The following COLEC12 variants were observed in gnomAD, a reference collection of about 807,000 sequenced individuals.
COLEC12 encodes the protein collectin-12.
In COLEC12, 33 loss-of-function variants were observed where a neutral mutation model predicts 71.1. That is an observed-to-expected ratio of 0.46 (90% CI 0.35 to 0.62). The LOEUF (loss-of-function observed/expected upper bound fraction) is 0.62. Among genes scored for constraint, COLEC12 ranks in the 20% least tolerant of loss-of-function variants. The probability of loss-of-function intolerance (pLI) is 0.00; values close to 1 mark genes in which losing one functional copy is unlikely to be tolerated. For synonymous variants in COLEC12, 350 were observed against 353.0 expected (o/e 0.99, Z 0.10); for missense variants, 765 against 916.1 (o/e 0.84, Z 2.13).
intron 2 of COLEC12, among the ~76,000 whole-genome samples, chr18:400,662 C>T (rs1194552254): frequency 6.6e-6 from 1 of 152,192 alleles, no homozygotes; most frequent in Non-Finnish European, 1.5e-5. Context: ...TGGAATCCTG[C>T]AACTCATACT....
At chr18:433,943 G>A (rs977198781) in intron 2 of COLEC12, among the ~76,000 whole-genome samples, 52 of 127,886 alleles carry the variant, frequency 4.1e-4, no homozygotes, top group Non-Finnish European at 6.2e-4. Context: ...CAGCCTGGGC[G>A]ACAAAGTGAG....
chr18:428,219 T>C (rs1041726270), intron 2 of COLEC12, among the ~76,000 whole-genome samples: 3 of 151,672 alleles, frequency 2.0e-5, no homozygotes, highest in Non-Finnish European at 4.4e-5. Flanking sequence ...GCTGAGATCC[T>C]GTCACTGCAC....
intron 2 of COLEC12, among the ~76,000 whole-genome samples, chr18:434,334 T>A (rs1192014736): frequency 6.6e-6 from 1 of 152,218 alleles, no homozygotes; most frequent in African/African-American, 2.4e-5. Flanking sequence ...AGATACACAA[T>A]GTTTAAAATT....
At chr18:467,316 G>T (rs1917107628) in intron 2 of COLEC12, among the ~76,000 whole-genome samples, 1 of 152,132 alleles carries the variant, frequency 6.6e-6, no homozygotes, top group Non-Finnish European at 1.5e-5. Context: ...CTTGGAGGAA[G>T]GAAAAAAGCC....
At chr18:479,209 G>A (rs535041193) in intron 2 of COLEC12, among the ~76,000 whole-genome samples, 5 of 151,842 alleles carry the variant, frequency 3.3e-5, no homozygotes, top group African/African-American at 1.2e-4. Context: ...CGTCCCCCCC[G>A]GGAAAGAACA....
intron 1 of COLEC12, among the ~76,000 whole-genome samples, chr18:489,655 G>A (rs1246515822): frequency 6.6e-6 from 1 of 152,104 alleles, no homozygotes; most frequent in Non-Finnish European, 1.5e-5. Context: ...TATTAACTTC[G>A]TGGGGGGGAA....
chr18:440,796 CA>C (rs1279670119), intron 2 of COLEC12, among the ~76,000 whole-genome samples: 1 of 152,114 alleles, frequency 6.6e-6, no homozygotes, highest in Non-Finnish European at 1.5e-5. Context: ...TGGATTCTTC[CA>C]ACATTTGAGT....
intron 2 of COLEC12, among the ~76,000 whole-genome samples, chr18:456,069 G>A (rs1296845715): frequency 1.3e-5 from 2 of 152,168 alleles, no homozygotes; most frequent in Non-Finnish European, 2.9e-5. Flanking sequence ...AGCACGTGGT[G>A]GGAGGCTGGC....
rs1175671480 is a variant in COLEC12, at chr18:399,238, G to A, written c.59-41716C>T. Among the ~76,000 whole-genome samples the A allele has an allele frequency of 6.6e-6, 1 of 152,238 alleles. No homozygotes were observed. Among genetic ancestry groups the A allele is most frequent in the Non-Finnish European group, 1.5e-5 (1 of 68,044 alleles). ...GATTTTTCTGCTACGTGGGTCTCAG[G>A]CTAAGCGTAAGATGCTATTGATGGA... On this transcript the variant is annotated intron_variant, in intron 2 of 9. Coordinates refer to ENST00000400256, the MANE Select transcript of COLEC12 (RefSeq NM_130386.3). The surrounding 1 kb of genome is among the most constrained non-coding windows in gnomAD (Gnocchi z 4.0).
At chr18:472,527 T>A (rs1917217734) in intron 2 of COLEC12, among the ~76,000 whole-genome samples, 1 of 151,186 alleles carries the variant, frequency 6.6e-6, no homozygotes, top group African/African-American at 2.4e-5. Flanking sequence ...AGAAAAAAAT[T>A]TTTTTAAAAA....
Position 500,564 on chromosome 18 carries a change from C to T in COLEC12, c.-50G>A. 1 of 1,216,560 alleles carries T rather than the reference C, an allele frequency of 8.2e-7. No individual in the cohort carries two copies. Among genetic ancestry groups the T allele is most frequent in the Non-Finnish European group, 1.0e-6 (1 of 978,362 alleles). The allele number at this position is 1,216,560 out of a possible 1,614,324, so 75.4% of individuals were successfully genotyped here. ...GCCGGGGAGCTCCGCGCGAGCGCCG[C>T]GCAGCCGAGGAAGTCGTCCCGAGCG... On this transcript the variant is annotated 5_prime_UTR_variant, in exon 1 of 10. Transcript: ENST00000400256. This position sits in a 1 kb window ranked among gnomAD's most constrained non-coding sequence, Gnocchi z 5.3.
intron 2 of COLEC12, among the ~76,000 whole-genome samples, chr18:401,262 G>A (rs539154223): frequency 1.3e-5 from 2 of 152,304 alleles, no homozygotes; most frequent in South Asian, 4.1e-4. Context: ...TATAAAATCA[G>A]TTATTCATGA....
intron 8 of COLEC12, among the ~76,000 whole-genome samples, chr18:322,826 C>T (rs193248362): frequency 4.2e-4 from 64 of 152,220 alleles, no homozygotes; most frequent in African/African-American, 1.5e-3. Flanking sequence ...ATAACACCCG[C>T]AAAACCAGAG....
At position 346,570 on chromosome 18, in the gene COLEC12, C is replaced by T; in HGVS notation, c.1052G>A (p.Ser351Asn). 1 of 1,614,254 alleles carries T rather than the reference C, an allele frequency of 6.2e-7. No homozygotes were observed. The highest frequency in any genetic ancestry group is 1.1e-5 in the South Asian group (1 of 91,084). Residue 351 changes from serine (S) to asparagine (N), a missense_variant, in exon 5 of 10, where the codon AGT becomes AAT. Physicochemically the swap from Ser to Asn is conservative, Grantham distance 46. Transcript: ENST00000400256. This position sits in a 1 kb window ranked among gnomAD's most constrained non-coding sequence, Gnocchi z 4.0. The part of the protein sequence containing the change: ...TDIVNIISNI[S>N]YTAHHLRTLT... ...CGTCCGCAGGTGGTGGGCTGTGTAA[C>T]TGATATTGCTAATGATGTTCACAAT...
intron 8 of COLEC12, among the ~76,000 whole-genome samples, chr18:323,117 T>G (rs1454421285): frequency 1.3e-5 from 2 of 152,064 alleles, no homozygotes; most frequent in African/African-American, 2.4e-5. Flanking sequence ...CCCAGCTACT[T>G]GGGAGGCTGA....
intron 5 of COLEC12, among the ~76,000 whole-genome samples, chr18:340,208 G>A (rs543693889): frequency 1.3e-5 from 2 of 152,228 alleles, no homozygotes; most frequent in African/African-American, 4.8e-5. Flanking sequence ...GACATTTGAG[G>A]TTTGCTTTCA....
At position 486,570 on chromosome 18, in the gene COLEC12, T is replaced by C. The variant is rs553258826; in HGVS notation, c.8-5813A>G. ...ATTTGACCCAAGGTCTCACAGCTTA[T>C]GAGTGGCCAGATCAAGAGGAAGACA... On this transcript the variant is annotated intron_variant, in intron 1 of 9. Transcript: ENST00000400256. Among the ~76,000 whole-genome samples, 18 of 152,362 alleles carry C rather than the reference T, an allele frequency of 1.2e-4. No homozygotes were observed. In the South Asian group the frequency reaches 3.7e-3, roughly 32 times the overall value.
In COLEC12 at chr18:347,124, A is replaced by T; in HGVS notation, c.498T>A (p.Thr166=). The T allele has an allele frequency of 6.2e-7, 1 of 1,614,196 alleles. No individual in the cohort carries two copies. Among genetic ancestry groups the T allele is most frequent in the Non-Finnish European group, 8.5e-7 (1 of 1,180,034 alleles). Residue 166 remains threonine, a synonymous_variant, in exon 5 of 10, where the codon ACT becomes ACA. Coordinates refer to ENST00000400256, the MANE Select transcript of COLEC12 (RefSeq NM_130386.3). ...TATACGCCTGGAGGGTTTTGTTTACAGTGGTGATGAGGAAAGAGTTATTCT... is the reference window on the plus strand; with the variant it reads ...TATACGCCTGGAGGGTTTTGTTTACTGTGGTGATGAGGAAAGAGTTATTCT... ...TLENNSFLIT[T]VNKTLQAYNG... is the part of the protein sequence containing the mutation.
intron 2 of COLEC12, 96 bp from the exon 3 acceptor site, chr18:357,618 A>C: frequency 2.1e-6 from 2 of 958,300 alleles, no homozygotes; most frequent in Non-Finnish European, 3.1e-6. Context: ...ACTAAGAATA[A>C]TTTTTACAAA....
Sources: gnomAD v4.1 joint callset for allele counts (sites outside exome capture counted in the v4.1 genomes callset) on GRCh38, gnomAD v4.1.1 for gene constraint, Gnocchi (gnomAD v3.1) non-coding constraint, MANE v1.5 for transcripts, NCBI Gene and HGNC (gene_info 2026-07-23, HGNC 2026-07-21) for gene names.